Variants in RPA1 observed in about 807,000 individuals in gnomAD.
The protein encoded by RPA1 is replication protein A 70 kDa DNA-binding subunit.
In RPA1, 49 loss-of-function variants were observed where a neutral mutation model predicts 83.0. That is an observed-to-expected ratio of 0.59 (90% confidence interval 0.47 to 0.75). The LOEUF (loss-of-function observed/expected upper bound fraction) is 0.75. Ranked by LOEUF, RPA1 falls within the 30% of genes least tolerant of loss-of-function variation. RPA1 has a pLI of 0.00. For missense variants in RPA1, 693 were observed against 776.1 expected (o/e 0.89, Z 1.27); for synonymous variants, 279 against 281.8 (o/e 0.99, Z 0.10).
intron 14 of RPA1, among the ~76,000 whole-genome samples, chr17:1,890,877 G>A (rs761901508): frequency 4.6e-5 from 7 of 152,124 alleles, no homozygotes; most frequent in South Asian, 2.1e-4. Context: ...TTTATCACAC[G>A]TGTGCGTCAT....
At chr17:1,896,915 A>G (rs1030492877) in intron 16 of RPA1, among the ~76,000 whole-genome samples, 156 bp from the exon 17 acceptor site, 1 of 152,210 alleles carries the variant, frequency 6.6e-6, no homozygotes, top group Non-Finnish European at 1.5e-5. Context: ...AGCCCCAGAC[A>G]TTCAGGAGGA....
At chr17:1,894,888 T>C in intron 15 of RPA1, 121 bp from the exon 16 acceptor site, 1 of 712,778 alleles carries the variant, frequency 1.4e-6, no homozygotes, top group Non-Finnish European at 2.4e-6. Context: ...AGATGAGTCA[T>C]TCCTAAGTAA....
At position 1,872,415 on chromosome 17, in the gene RPA1, T is replaced by C. The variant is rs753443705; in HGVS notation, c.362-19T>C. 26 of 1,612,520 alleles carry C rather than the reference T, an allele frequency of 1.6e-5. No homozygotes were observed. Among genetic ancestry groups the C allele is most frequent in the Non-Finnish European group, 2.1e-5 (25 of 1,179,588 alleles). ...CCAAATCCTTTGCACTAAAACGGGG[T>C]TTCCCTTTTGATCTTCAGGACTCGG... On this transcript the variant is annotated intron_variant, in intron 5 of 16. Coordinates refer to ENST00000254719, the MANE Select transcript of RPA1 (RefSeq NM_002945.5).
intron 4 of RPA1, among the ~76,000 whole-genome samples, chr17:1,849,704 A>G (rs1236006672): frequency 6.6e-6 from 1 of 151,060 alleles, no homozygotes; most frequent in Non-Finnish European, 1.5e-5. Flanking sequence ...CCTGATTTTC[A>G]TGGAAATGCT....
chr17:1,852,514 C>G (rs1328410287), intron 4 of RPA1, among the ~76,000 whole-genome samples: 1 of 152,164 alleles, frequency 6.6e-6, no homozygotes, highest in African/African-American at 2.4e-5. Flanking sequence ...TGTGGTGGAA[C>G]TGAAAGAAAA....
intron 15 of RPA1, among the ~76,000 whole-genome samples, chr17:1,894,614 T>C (rs995501668): frequency 6.6e-6 from 1 of 152,198 alleles, no homozygotes; most frequent in Non-Finnish European, 1.5e-5. Context: ...GTCACCACCA[T>C]CCTTTTCCAG....
intron 5 of RPA1, among the ~76,000 whole-genome samples, chr17:1,871,523 A>G (rs909356808): frequency 5.3e-5 from 8 of 152,160 alleles, no homozygotes; most frequent in Non-Finnish European, 4.4e-5. Context: ...AAGTTTTTTG[A>G]GTTGCCTTTG....
intron 7 of RPA1, among the ~76,000 whole-genome samples, 193 bp from the exon 8 acceptor site, chr17:1,877,019 G>C (rs1913597495): frequency 6.6e-6 from 1 of 152,168 alleles, no homozygotes; most frequent in Admixed American, 6.5e-5. Context: ...AAATCACTTT[G>C]CATGTTTTAC....
chr17:1,891,256 A>G (rs1010487854), intron 14 of RPA1, among the ~76,000 whole-genome samples: 1 of 152,166 alleles, frequency 6.6e-6, no homozygotes, highest in Non-Finnish European at 1.5e-5. Flanking sequence ...TGCCAGGTCA[A>G]TTTGGTGACT....
At chr17:1,845,679 C>T (rs1912228169) in intron 4 of RPA1, among the ~76,000 whole-genome samples, 1 of 152,160 alleles carries the variant, frequency 6.6e-6, no homozygotes, top group Non-Finnish European at 1.5e-5. Flanking sequence ...ACCTGTCATG[C>T]CAACACTTTG....
At chr17:1,837,935 A>C (rs35795511) in intron 1 of RPA1, among the ~76,000 whole-genome samples, 51,206 of 151,902 alleles carry the variant, frequency 0.34, 10,586 homozygotes, top group Non-Finnish European at 0.48. Flanking sequence ...CCAAGTTATC[A>C]GGTTGTGTTT....
At chr17:1,864,841 A>G (rs192500365) in intron 5 of RPA1, among the ~76,000 whole-genome samples, 3 of 152,208 alleles carry the variant, frequency 2.0e-5, no homozygotes, top group Non-Finnish European at 4.4e-5. Flanking sequence ...TGGAAGTTGC[A>G]GTGAGCCGAG....
At chr17:1,856,230 G>A (rs2151276356) in intron 5 of RPA1, among the ~76,000 whole-genome samples, 1 of 152,120 alleles carries the variant, frequency 6.6e-6, no homozygotes, top group East Asian at 1.9e-4. Context: ...CTGAGCCCGG[G>A]AGGTGGAGGT....
At chr17:1,865,925 C>T (rs922097355) in intron 5 of RPA1, among the ~76,000 whole-genome samples, 2 of 152,122 alleles carry the variant, frequency 1.3e-5, no homozygotes, top group South Asian at 2.1e-4. Context: ...GTGAGCGCTG[C>T]GCCCAGCCAT....
intron 5 of RPA1, among the ~76,000 whole-genome samples, chr17:1,856,459 C>T (rs755987859): frequency 3.4e-4 from 51 of 151,886 alleles, no homozygotes; most frequent in Non-Finnish European, 6.2e-4. Context: ...ATTATCTAGG[C>T]GTGGTGGCAC....
intron 1 of RPA1, among the ~76,000 whole-genome samples, chr17:1,835,069 C>T (rs1911761879): frequency 6.6e-6 from 1 of 152,118 alleles, no homozygotes; most frequent in African/African-American, 2.4e-5. Flanking sequence ...CCAGGCTGGT[C>T]TTGAACCCCT....
chr17:1,830,257 T>TTTGGGGGGGGGGGGGG, intron 1 of RPA1, 131 bp downstream of exon 1: 1 of 429,402 alleles, frequency 2.3e-6, no homozygotes, highest in Non-Finnish European at 3.5e-6. Flanking sequence ...CGGGGGGCGG[T>TTTGGGGGGGGGGGGGG]GGGGACCCGC....
At chr17:1,857,815 G>A (rs1483152896) in intron 5 of RPA1, among the ~76,000 whole-genome samples, 1 of 141,214 alleles carries the variant, frequency 7.1e-6, no homozygotes, top group Non-Finnish European at 1.5e-5. Context: ...GGGCAAAAAA[G>A]GGGAGTTTTT....
intron 5 of RPA1, among the ~76,000 whole-genome samples, chr17:1,856,103 C>A (rs576240763): frequency 2.4e-4 from 37 of 152,074 alleles, no homozygotes; most frequent in African/African-American, 8.7e-4. Flanking sequence ...GCAAGCCGAT[C>A]GCTTGCGCTT....
Sources: gnomAD v4.1 joint callset for allele counts (sites outside exome capture counted in the v4.1 genomes callset) on GRCh38, gnomAD v4.1.1 for gene constraint, MANE v1.5 for transcripts, NCBI Gene and HGNC (gene_info 2026-07-23, HGNC 2026-07-21) for gene names.